ZNF385D: variants seen among roughly 807,000 people sequenced by gnomAD.
ZNF385D encodes the protein zinc finger protein 659.
A neutral mutation model predicts 35.8 loss-of-function variants in ZNF385D; 15 were observed. That is an observed-to-expected ratio of 0.42 (90% CI 0.28 to 0.64). The LOEUF (loss-of-function observed/expected upper bound fraction) is 0.64, where lower values mean the gene tolerates loss of function less well. Ranked by LOEUF, ZNF385D falls within the 30% of genes least tolerant of loss-of-function variation. The pLI is 0.23. For synonymous variants in ZNF385D, 212 were observed against 186.8 expected (o/e 1.13, Z -1.10); for missense variants, 474 against 494.6 (o/e 0.96, Z 0.39).
At chr3:22,196,694 C>T (rs1225613348) in intron 2 of ZNF385D, among the ~76,000 whole-genome samples, 1 of 151,986 alleles carries the variant, frequency 6.6e-6, no homozygotes, top group Non-Finnish European at 1.5e-5. Context: ...GCTCATGTTT[C>T]ACTTGTTTTA....
intron 5 of ZNF385D, among the ~76,000 whole-genome samples, chr3:21,430,343 G>A (rs1487865858): frequency 2.0e-5 from 3 of 152,088 alleles, no homozygotes; most frequent in Non-Finnish European, 4.4e-5. Flanking sequence ...GGTGAAAATA[G>A]AGACAAAGAA....
intron 1 of ZNF385D, among the ~76,000 whole-genome samples, chr3:21,671,004 G>A (rs950736815): frequency 2.0e-5 from 3 of 151,970 alleles, no homozygotes; most frequent in Non-Finnish European, 2.9e-5. Flanking sequence ...GACATCAGAG[G>A]GCTCCAGACT....
At chr3:21,512,627 A>AG (rs1375596061) in intron 3 of ZNF385D, among the ~76,000 whole-genome samples, 1 of 152,240 alleles carries the variant, frequency 6.6e-6, no homozygotes, top group Non-Finnish European at 1.5e-5. Context: ...CTCATGCATC[A>AG]GTTACAAGTT....
intron 3 of ZNF385D, among the ~76,000 whole-genome samples, chr3:21,562,287 A>AAATT (rs1457038839): frequency 1.3e-5 from 2 of 152,142 alleles, no homozygotes; most frequent in East Asian, 1.9e-4. Context: ...TTATTGTTAA[A>AAATT]AATTATATAT....
intron 1 of ZNF385D, among the ~76,000 whole-genome samples, chr3:21,724,066 G>A (rs890330409): frequency 6.6e-6 from 1 of 152,018 alleles, no homozygotes; most frequent in African/African-American, 2.4e-5. Flanking sequence ...CATAAGCAAA[G>A]GAGAAATAAA....
At chr3:22,137,667 T>A (rs946340201) in intron 3 of ZNF385D, among the ~76,000 whole-genome samples, 1 of 152,108 alleles carries the variant, frequency 6.6e-6, no homozygotes, top group Non-Finnish European at 1.5e-5. Flanking sequence ...ATGGGACGTA[T>A]CTCAAAATAA....
chr3:21,519,848 C>G (rs1228508531), intron 3 of ZNF385D, among the ~76,000 whole-genome samples: 2 of 152,190 alleles, frequency 1.3e-5, no homozygotes, highest in Non-Finnish European at 2.9e-5. Flanking sequence ...GTGTGACACA[C>G]ACCATTTGAA....
At chr3:21,969,441 C>T (rs1576037831) in intron 3 of ZNF385D, among the ~76,000 whole-genome samples, 12 of 152,116 alleles carry the variant, frequency 7.9e-5, no homozygotes, top group Admixed American at 7.9e-4. Context: ...GAAGGAGGTC[C>T]TAGCTTTCTC....
At chr3:21,532,371 AG>A (rs1178322075) in intron 3 of ZNF385D, among the ~76,000 whole-genome samples, 1 of 151,858 alleles carries the variant, frequency 6.6e-6, no homozygotes, top group Non-Finnish European at 1.5e-5. Flanking sequence ...GGGGGAGGGA[AG>A]GTACCTGAAA....
intron 4 of ZNF385D, among the ~76,000 whole-genome samples, chr3:21,446,560 C>T (rs1702165912): frequency 6.9e-6 from 1 of 145,686 alleles, no homozygotes; most frequent in Non-Finnish European, 1.5e-5. Flanking sequence ...GTGGCACCAT[C>T]TCAGCTCACT....
At chr3:22,266,794 G>A (rs182487862) in intron 2 of ZNF385D, among the ~76,000 whole-genome samples, 82 of 151,844 alleles carry the variant, frequency 5.4e-4, no homozygotes, top group Middle Eastern at 6.8e-3. Flanking sequence ...AGATATTATC[G>A]GTAAGTAAAG....
chr3:21,665,143 A>G lies in ZNF385D; in HGVS notation c.23-115T>C, dbSNP rs1437023225. The G allele has an allele frequency of 7.5e-6, 10 of 1,329,732 alleles. No individual in the cohort carries two copies. In the East Asian group the frequency reaches 2.3e-4, roughly 31 times the overall value. 82.4% of individuals were successfully genotyped at this position (1,329,732 alleles called of 1,614,324 possible). A position where few individuals can be genotyped will look rare whatever the true frequency, so the allele number is the denominator to read the frequency against. Reference sequence around the variant, plus strand: ...TGTGGGTCACTGGAAAAAACAAGACATGGACTCTATTGACCTCAACTGGGA... The same window carrying G: ...TGTGGGTCACTGGAAAAAACAAGACGTGGACTCTATTGACCTCAACTGGGA... On this transcript the variant is annotated intron_variant, in intron 1 of 7. Coordinates refer to ENST00000281523, the MANE Select transcript of ZNF385D (RefSeq NM_024697.3).
At chr3:21,829,413 G>T (rs1180438820) in intron 3 of ZNF385D, among the ~76,000 whole-genome samples, 1 of 152,070 alleles carries the variant, frequency 6.6e-6, no homozygotes, top group Non-Finnish European at 1.5e-5. Flanking sequence ...GCTATTTTAG[G>T]ACAGAAAAAG....
chr3:21,623,581 A>C (rs137970377), intron 2 of ZNF385D, among the ~76,000 whole-genome samples: 80 of 152,060 alleles, frequency 5.3e-4, no homozygotes, highest in African/African-American at 1.9e-3. Context: ...AGTTCGAGCT[A>C]TGATGGAAAT....
intron 5 of ZNF385D, among the ~76,000 whole-genome samples, chr3:21,433,974 G>GT (rs1427452787): frequency 6.6e-6 from 1 of 152,126 alleles, no homozygotes; most frequent in Non-Finnish European, 1.5e-5. Context: ...TAAGGGCACG[G>GT]TTCATGCATT....
intron 2 of ZNF385D, among the ~76,000 whole-genome samples, chr3:22,170,463 G>A (rs1300063628): frequency 1.3e-5 from 2 of 152,136 alleles, no homozygotes; most frequent in Admixed American, 6.5e-5. Flanking sequence ...GGGTATTGAA[G>A]TCACTATCCA....
At chr3:21,898,166 A>T (rs1699228713) in intron 3 of ZNF385D, among the ~76,000 whole-genome samples, 1 of 152,162 alleles carries the variant, frequency 6.6e-6, no homozygotes, top group Admixed American at 6.6e-5. Context: ...ATTTTAAAAC[A>T]AAAAAGAAAC....
At chr3:22,067,308 G>C (rs1700007530) in intron 3 of ZNF385D, among the ~76,000 whole-genome samples, 1 of 152,164 alleles carries the variant, frequency 6.6e-6, no homozygotes, top group South Asian at 2.1e-4. Context: ...AATCTTCTCA[G>C]TGTAATCTTT....
At chr3:22,193,202 T>C (rs993328904) in intron 2 of ZNF385D, among the ~76,000 whole-genome samples, 3 of 152,144 alleles carry the variant, frequency 2.0e-5, no homozygotes, top group African/African-American at 2.4e-5. Context: ...ATTTGACACC[T>C]TCCTTCCATA....
Sources: allele counts gnomAD v4.1 joint callset (sites outside exome capture counted in the v4.1 genomes callset), GRCh38; gene constraint gnomAD v4.1.1; transcripts MANE v1.5; gene names NCBI Gene and HGNC (gene_info 2026-07-23, HGNC 2026-07-21).